The following ZNF638 variants were observed in gnomAD, a reference collection of about 807,000 sequenced individuals.
The protein encoded by ZNF638 is zinc finger protein 638, also known as CTCL tumor antigen se33-1.
Under a neutral mutation model 195.6 loss-of-function variants are expected in ZNF638, and 46 were observed. The ratio of observed to expected loss-of-function variants is 0.24; its 90% CI spans 0.19 to 0.30. The LOEUF (loss-of-function observed/expected upper bound fraction) is 0.30, where lower values mean the gene tolerates loss of function less well. ZNF638 is among the 10% of genes least tolerant of loss of function. ZNF638 has a pLI of 1.00. For synonymous variants in ZNF638, 845 were observed against 772.0 expected (o/e 1.09, Z -1.57); for missense variants, 2,440 against 2,325.3 (o/e 1.05, Z -1.01).
rs757491003 is a variant in ZNF638, at chr2:71,423,971, T to C, written c.4457T>C (p.Ile1486Thr). ...CTTTCTAAACTGGATTACAGAGATA[T>C]AACAAAACAATCTCAGGAAACAGAG... ...GKLSKLDYRD[I>T]TKQSQETEAR... Residue 1486 changes from isoleucine (I) to threonine (T), a missense_variant, in exon 22 of 28, where the codon ATA (isoleucine) becomes ACA (threonine). Coordinates refer to ENST00000264447, the MANE Select transcript of ZNF638 (RefSeq NM_014497.5). 16 of 1,614,024 alleles carry C rather than the reference T, an allele frequency of 9.9e-6. No individual in the cohort carries two copies. The highest frequency in any genetic ancestry group is 3.3e-5 in the South Asian group (3 of 91,074).
chr2:71,386,293 C>CAAAAAAAAAAAAAAAAAAAAAAAAAAA (rs58219651), intron 10 of ZNF638, among the ~76,000 whole-genome samples: 1 of 85,222 alleles, frequency 1.2e-5, no homozygotes, highest in Non-Finnish European at 2.3e-5. Context: ...GACCTTGTCT[C>CAAAAAAAAAAAAAAAAAAAAAAAAAAA]AAAAAAAAAA....
intron 27 of ZNF638, 133 bp downstream of exon 27, chr2:71,433,416 T>C: frequency 1.5e-6 from 1 of 652,244 alleles, no homozygotes; most frequent in South Asian, 1.9e-5. Flanking sequence ...TTAAGTCCTG[T>C]TTTCTCCTTC....
intron 3 of ZNF638, among the ~76,000 whole-genome samples, chr2:71,356,738 A>G (rs1011821769): frequency 1.3e-5 from 2 of 152,074 alleles, no homozygotes; most frequent in African/African-American, 4.8e-5. Context: ...TCAGTGAGCC[A>G]TGATTGTGCC....
chr2:71,398,034 A>G (rs2079930786), intron 11 of ZNF638, among the ~76,000 whole-genome samples: 1 of 152,176 alleles, frequency 6.6e-6, no homozygotes, highest in South Asian at 2.1e-4. Context: ...GAACTGCTCA[A>G]AGTATGGGAT....
At chr2:71,395,580 C>G in intron 10 of ZNF638, 1 of 593,870 alleles carries the variant, frequency 1.7e-6, no homozygotes, top group Middle Eastern at 4.6e-4. Context: ...TCCTATTGCG[C>G]GCAGGACTGC....
intron 3 of ZNF638, among the ~76,000 whole-genome samples, chr2:71,358,355 C>G (rs990027548): frequency 3.9e-5 from 6 of 152,196 alleles, no homozygotes; most frequent in Non-Finnish European, 1.5e-5. Context: ...GAGCACCATT[C>G]AAGAATCCAT....
At chr2:71,391,064 A>T (rs77619715) in intron 10 of ZNF638, among the ~76,000 whole-genome samples, 1 of 152,336 alleles carries the variant, frequency 6.6e-6, no homozygotes, top group East Asian at 1.9e-4. Context: ...CAGTGAGCCC[A>T]TGAGTTAGTT....
chr2:71,389,808 A>G (rs1382117548), intron 10 of ZNF638, among the ~76,000 whole-genome samples: 1 of 152,232 alleles, frequency 6.6e-6, no homozygotes, highest in Non-Finnish European at 1.5e-5. Flanking sequence ...AGTCATCCCC[A>G]GGCCGCTGAT....
chr2:71,396,251 C>G (rs1308066222), intron 11 of ZNF638, 60 bp downstream of exon 11: 1 of 1,379,714 alleles, frequency 7.2e-7, no homozygotes, highest in South Asian at 1.2e-5. Context: ...ATTTTAAAAT[C>G]GTATGGCAGT....
At chr2:71,400,591 C>G (rs1051993715) in intron 15 of ZNF638, 73 bp downstream of exon 15, 5 of 1,337,004 alleles carry the variant, frequency 3.7e-6, no homozygotes, top group Middle Eastern at 2.0e-4. Context: ...CTTATAAACC[C>G]AGGTAAAAAA....
chr2:71,345,455 G>A (rs1351389407), intron 1 of ZNF638, among the ~76,000 whole-genome samples: 1 of 152,102 alleles, frequency 6.6e-6, no homozygotes, highest in Admixed American at 6.5e-5. Context: ...GTACAGTGGT[G>A]GAAACAGCTC....
chr2:71,401,680 A>C lies in ZNF638; in HGVS notation c.2698-276A>C, dbSNP rs369698827. ...CCAGCCTGGGCAACAGAGCAAGACTAAAAAAAAAAAACAGTGGGTGAAAAA... is the reference window on the plus strand; with the variant it reads ...CCAGCCTGGGCAACAGAGCAAGACTCAAAAAAAAAAACAGTGGGTGAAAAA... On this transcript the variant is annotated intron_variant, in intron 15 of 27. Coordinates refer to ENST00000264447, the MANE Select transcript of ZNF638 (RefSeq NM_014497.5). Among the ~76,000 whole-genome samples the C allele has an allele frequency of 4.2e-5, 6 of 143,954 alleles. No individual in the cohort carries two copies. The South Asian group carries it at 8.8e-4, about 21-fold the overall frequency. The allele number at this position is 143,954 out of a possible 152,430, so 94.4% of individuals were successfully genotyped here. A position where few individuals can be genotyped will look rare whatever the true frequency, so the allele number is the denominator to read the frequency against.
At chr2:71,428,776 A>G in intron 25 of ZNF638, 125 bp downstream of exon 25, 1 of 698,992 alleles carries the variant, frequency 1.4e-6, no homozygotes, top group Non-Finnish European at 2.4e-6. Flanking sequence ...GGAAAAGTCA[A>G]CTATAGTTAT....
intron 2 of ZNF638, among the ~76,000 whole-genome samples, chr2:71,352,486 TAAAAAAAATAA>T (rs1251970782): frequency 5.0e-5 from 1 of 19,812 alleles, no homozygotes; most frequent in Admixed American, 6.6e-4. Flanking sequence ...TCAAAAAAAA[TAAAAAAAATAA>T]AAAAAAAAAA....
At chr2:71,388,403 C>G (rs1046270505) in intron 10 of ZNF638, 1 of 661,626 alleles carries the variant, frequency 1.5e-6, no homozygotes, top group Non-Finnish European at 2.8e-6. Flanking sequence ...CTTTGATCAT[C>G]CGCGTGCAGG....
At chr2:71,400,432 C>G (rs1558869746) in intron 14 of ZNF638, 46 bp from the exon 15 acceptor site, 1 of 1,560,386 alleles carries the variant, frequency 6.4e-7, no homozygotes, top group Non-Finnish European at 8.7e-7. Flanking sequence ...AAAGTAGGAT[C>G]TTGATAAGTA....
intron 10 of ZNF638, 182 bp from the exon 11 acceptor site, chr2:71,395,959 T>A: frequency 1.6e-6 from 1 of 630,234 alleles, no homozygotes. Flanking sequence ...TCTGTATGCC[T>A]TTTGATACAT....
chr2:71,375,821 A>G (rs1322735569), intron 8 of ZNF638: 1 of 152,236 alleles, frequency 6.6e-6, no homozygotes, highest in Non-Finnish European at 1.5e-5. Context: ...CTGAAGTCCA[A>G]TTAGAAGACT....
intron 19 of ZNF638, among the ~76,000 whole-genome samples, chr2:71,406,965 AC>A (rs1380462452): frequency 6.6e-6 from 1 of 152,146 alleles, no homozygotes; most frequent in East Asian, 1.9e-4. Flanking sequence ...ACGCCACCAC[AC>A]TCCAGCCTGG....
Sources: allele counts gnomAD v4.1 joint callset (sites outside exome capture counted in the v4.1 genomes callset), GRCh38; gene constraint gnomAD v4.1.1; transcripts MANE v1.5; gene names NCBI Gene and HGNC (gene_info 2026-07-23, HGNC 2026-07-21).